Variants in SHROOM4 observed in about 807,000 individuals in gnomAD.
SHROOM4 encodes shroom family member 4.
In SHROOM4, 17 loss-of-function variants were observed where a neutral mutation model predicts 80.3. The observed-to-expected ratio is 0.21, with a 90% confidence interval of 0.14 to 0.32. SHROOM4 has a LOEUF of 0.32. SHROOM4 is among the 10% of genes least tolerant of loss of function. The probability of loss-of-function intolerance (pLI) is 1.00; values close to 1 mark genes in which losing one functional copy is unlikely to be tolerated. For synonymous variants in SHROOM4, 400 were observed against 437.5 expected (o/e 0.91, Z 1.07); for missense variants, 993 against 1,140.3 (o/e 0.87, Z 1.86).
At chrX:50,714,202 C>A (rs1296742446) in intron 1 of SHROOM4, among the ~76,000 whole-genome samples, 2 of 111,803 alleles carry the variant, frequency 1.8e-5, no homozygotes, top group African/African-American at 6.5e-5. Flanking sequence ...TTCATACCGA[C>A]AGCATGCTGT....
chrX:50,767,110 T>C (rs1484704840), intron 1 of SHROOM4, among the ~76,000 whole-genome samples: 1 of 112,129 alleles, frequency 8.9e-6, no homozygotes, highest in African/African-American at 3.2e-5. Flanking sequence ...TGGCAACATG[T>C]AACAGCAGCT....
In SHROOM4 at chrX:50,634,455, A is replaced by G. The variant is rs1557255194; in HGVS notation, c.1618T>C (p.Cys540Arg). Reference protein sequence around the residue: ...SGSLVQQATDCSSTTKAASGT... With the variant: ...SGSLVQQATDRSSTTKAASGT... ...CTAGCTGCTTTAGTGGTTGAAGAAC[A>G]GTCCGTGGCTTGTTGAACAAGGGAG... The change falls in exon 4 of 9, where the codon TGT becomes CGT. Residue 540 changes from cysteine (C) to arginine (R), a missense_variant. Transcript: ENST00000376020. 8.3e-7 allele frequency: 1 copy of G among 1,209,631 alleles called. No individual in the cohort carries two copies. The highest frequency in any genetic ancestry group is 1.1e-6 in the Non-Finnish European group (1 of 895,191).
chrX:50,668,429 T>G (rs1346869518), intron 2 of SHROOM4, among the ~76,000 whole-genome samples: 5 of 111,821 alleles, frequency 4.5e-5, no homozygotes, highest in Non-Finnish European at 9.4e-5. Context: ...GAGCCTGGAC[T>G]TTCTACCTCC....
In SHROOM4 at chrX:50,638,295, C is replaced by G. The variant is rs199919885; in HGVS notation, c.283G>C (p.Val95Leu). The change falls in exon 3 of 9, where the codon GTC (valine) becomes CTC (leucine). Residue 95 changes from valine (V) to leucine (L), a missense_variant. Val to Leu is a conservative substitution (Grantham distance 32). Transcript: ENST00000376020. ...KLIVRRRNAPVSRPHSWHVAK... is the reference protein window; with the variant it reads ...KLIVRRRNAPLSRPHSWHVAK... ...ACATGCCATGAGTGCGGCCTACTGA[C>G]AGGGGCGTTCCTCCTACAGCAAGAA... The G allele has an allele frequency of 2.5e-6, 3 of 1,211,880 alleles. No homozygotes were observed. In the African/African-American group the frequency reaches 5.2e-5, roughly 21 times the overall value.
At position 50,594,799 on chromosome X, in the gene SHROOM4, T is replaced by C. The variant is rs1488605017; in HGVS notation, c.*1896A>G. The C allele has an allele frequency of 6.3e-5, 7 of 111,357 alleles. No individual in the cohort carries two copies. Among genetic ancestry groups the C allele is most frequent in the Non-Finnish European group, 1.1e-4 (6 of 53,075 alleles). 9.2% of individuals were successfully genotyped at this position (111,357 alleles called of 1,213,427 possible). A position where few individuals can be genotyped will look rare whatever the true frequency, so the allele number is the denominator to read the frequency against. On this transcript the variant is annotated 3_prime_UTR_variant, in exon 9 of 9. Transcript: ENST00000376020. ...AAGCCACCAGCCTTCCTGAATAAAG[T>C]AGAATCTTCCACTGGAGGGGAGAAT...
chrX:50,799,826 T>C (rs1936083643), intron 1 of SHROOM4, among the ~76,000 whole-genome samples: 1 of 112,075 alleles, frequency 8.9e-6, no homozygotes, highest in Non-Finnish European at 1.9e-5. Context: ...ACAAGTGGGA[T>C]GGCTGTTGTT....
intron 2 of SHROOM4, among the ~76,000 whole-genome samples, chrX:50,641,939 C>T (rs1311347134): frequency 8.9e-6 from 1 of 112,302 alleles, no homozygotes; most frequent in African/African-American, 3.2e-5. Context: ...AGGGTTTCTC[C>T]AGGAGTAGGA....
rs143331501 is a variant in SHROOM4, at chrX:50,786,318, C to G, written c.117+27584G>C. 4.1e-3 allele frequency among the ~76,000 whole-genome samples: 457 copies of G among 111,898 alleles called. 1 individual carries two copies. The highest frequency in any genetic ancestry group is 6.9e-3 in the Non-Finnish European group (367 of 53,156). On this transcript the variant is annotated intron_variant, in intron 1 of 8. Transcript: ENST00000376020. ...CCACCTTGGAACCAGAGATGAGAGA[C>G]AGTATGTTAGGCTAGCAGTTGCTAT... is the stretch of plus-strand genomic sequence containing the variant.
At chrX:50,623,025 A>C (rs1557252263) in intron 5 of SHROOM4, among the ~76,000 whole-genome samples, 2 of 111,640 alleles carry the variant, frequency 1.8e-5, no homozygotes, top group East Asian at 2.8e-4. Flanking sequence ...TGGCCTGAGA[A>C]TGTGCATTTC....
intron 1 of SHROOM4, among the ~76,000 whole-genome samples, chrX:50,795,094 T>TG (rs1464018665): frequency 8.6e-5 from 5 of 58,054 alleles, no homozygotes; most frequent in Non-Finnish European, 1.4e-4. Context: ...ATATGATATA[T>TG]ATATATGATA....
downstream of SHROOM4, among the ~76,000 whole-genome samples, chrX:50,584,628 C>G (rs1928725970): frequency 9.0e-6 from 1 of 111,257 alleles, no homozygotes; most frequent in South Asian, 3.8e-4. Context: ...AGATTTGAGA[C>G]ATATTTAGGA....
intron 2 of SHROOM4, among the ~76,000 whole-genome samples, chrX:50,657,370 A>G (rs1932347383): frequency 9.0e-6 from 1 of 111,371 alleles, no homozygotes; most frequent in Admixed American, 9.6e-5. Context: ...ACCATGGAAT[A>G]TAATGTTAGC....
rs782338589 is a variant in SHROOM4, at chrX:50,633,495, A to T, written c.2578T>A (p.Cys860Ser). 1 of 1,211,699 alleles carries T rather than the reference A, an allele frequency of 8.3e-7. No homozygotes were observed. The highest frequency in any genetic ancestry group is 1.1e-6 in the Non-Finnish European group (1 of 895,535). The change falls in exon 4 of 9, where the codon TGT (cysteine) becomes AGT (serine). Residue 860 changes from cysteine to serine, a missense_variant. Transcript: ENST00000376020. ...TTTTCTAGACCTTTGCTTGCAAAAC[A>T]TTCTGAGTAAGTGGGAGTTTCTGAC... is the stretch of plus-strand genomic sequence containing the variant. ...LQSETPTYSE[C>S]FASKGLENSM... is the part of the protein sequence containing the mutation.
At chrX:50,760,828 G>T (rs1218396949) in intron 1 of SHROOM4, among the ~76,000 whole-genome samples, 7 of 111,206 alleles carry the variant, frequency 6.3e-5, no homozygotes, top group Non-Finnish European at 1.3e-4. Flanking sequence ...TCCAGTCTGA[G>T]AATTTCTTTC....
intron 5 of SHROOM4, among the ~76,000 whole-genome samples, chrX:50,613,949 A>G (rs1462159878): frequency 1.8e-5 from 2 of 112,395 alleles, no homozygotes; most frequent in African/African-American, 6.5e-5. Context: ...AGAAAGGTAG[A>G]TCCATGGAAT....
At chrX:50,648,380 GT>G (rs1423286619) in intron 2 of SHROOM4, among the ~76,000 whole-genome samples, 1 of 111,982 alleles carries the variant, frequency 8.9e-6, no homozygotes, top group Non-Finnish European at 1.9e-5. Context: ...AAAATTGGCA[GT>G]CTTCACTATT....
At chrX:50,744,616 T>C (rs188236575) in intron 1 of SHROOM4, among the ~76,000 whole-genome samples, 21 of 112,082 alleles carry the variant, frequency 1.9e-4, no homozygotes, top group Non-Finnish European at 3.2e-4. Context: ...AGGTGATTTA[T>C]ATTGCCTATT....
At chrX:50,707,822 C>T (rs1171366734) in intron 1 of SHROOM4, among the ~76,000 whole-genome samples, 1 of 111,298 alleles carries the variant, frequency 9.0e-6, no homozygotes, top group African/African-American at 3.3e-5. Context: ...AAGAGAAGAG[C>T]TTTTAAGGTT....
chrX:50,694,761 G>T (rs1933325680), intron 2 of SHROOM4, among the ~76,000 whole-genome samples: 1 of 107,924 alleles, frequency 9.3e-6, no homozygotes, highest in African/African-American at 3.4e-5. Flanking sequence ...GTCAAATTCT[G>T]GCTGCAGAGG....
Sources: allele counts gnomAD v4.1 joint callset (sites outside exome capture counted in the v4.1 genomes callset), GRCh38; gene constraint gnomAD v4.1.1; transcripts MANE v1.5; gene names NCBI Gene and HGNC (gene_info 2026-07-23, HGNC 2026-07-21).